Variants in PTCHD4 observed in about 807,000 individuals in gnomAD.
PTCHD4 encodes the protein patched domain containing 4, also known as patched domain-containing protein 4.
In PTCHD4, 33 loss-of-function variants were observed where a neutral mutation model predicts 58.1. The ratio of observed to expected loss-of-function variants is 0.57; its 90% CI spans 0.43 to 0.76. The LOEUF is 0.76. Ranked by LOEUF, PTCHD4 falls within the 30% of genes least tolerant of loss-of-function variation. The probability of loss-of-function intolerance (pLI) is 0.00; values close to 1 mark genes in which losing one functional copy is unlikely to be tolerated. For missense variants in PTCHD4, 1,058 were observed against 1,027.1 expected, an observed-to-expected ratio of 1.03 and a Z score of -0.41; for synonymous variants, 478 against 409.6, an observed-to-expected ratio of 1.17 and a Z score of -2.02.
At chr6:47,996,881 CAG>C (rs898852735) in intron 4 of PTCHD4, among the ~76,000 whole-genome samples, 2 of 152,172 alleles carry the variant, frequency 1.3e-5, no homozygotes, top group African/African-American at 4.8e-5. Context: ...ATTTTACACT[CAG>C]GGGTATAACA....
rs575746411 is a variant in PTCHD4, at chr6:48,066,129, T to G, written c.417+2101A>C. Among the ~76,000 whole-genome samples the G allele has an allele frequency of 1.6e-4, 24 of 150,658 alleles. No individual in the cohort carries two copies. In the South Asian group the frequency reaches 3.6e-3, roughly 23 times the overall value. On this transcript the variant is annotated intron_variant, in intron 3 of 4. Coordinates refer to ENST00000339488, the MANE Select transcript of PTCHD4 (RefSeq NM_001384253.1). ...TTTTTTTTTTTTGAGACGGGATCCC[T>G]CTGTCACCCAGACTACTACTGCTAA...
intron 3 of PTCHD4, among the ~76,000 whole-genome samples, chr6:48,050,032 A>T (rs896493491): frequency 6.6e-6 from 1 of 151,980 alleles, no homozygotes; most frequent in African/African-American, 2.4e-5. Flanking sequence ...TGTTAATGAA[A>T]ACTAGGTATC....
rs1250471121 is a variant in PTCHD4 at position 48,043,370 on chromosome 6, GAA to G, written c.417+24858_417+24859del. ...ACATACACCTCATAGAATTACTAGA[GAA>G]TTATTATTCACTCCCTATAAAATAC... On this transcript the variant is annotated intron_variant, in intron 3 of 4. Coordinates refer to ENST00000339488, the MANE Select transcript of PTCHD4 (RefSeq NM_001384253.1). Among the ~76,000 whole-genome samples, 3 of 151,716 alleles carry G rather than the reference GAA, an allele frequency of 2.0e-5. No individual in the cohort carries two copies. In the East Asian group the frequency reaches 5.8e-4, roughly 29 times the overall value.
At chr6:48,102,710 A>G (rs914366849) in intron 1 of PTCHD4, among the ~76,000 whole-genome samples, 2 of 152,188 alleles carry the variant, frequency 1.3e-5, no homozygotes, top group African/African-American at 4.8e-5. Context: ...CTAGTCAAAG[A>G]AAGGGGTGAC....
chr6:48,097,553 G>A (rs1201926515), intron 1 of PTCHD4, among the ~76,000 whole-genome samples: 3 of 151,974 alleles, frequency 2.0e-5, no homozygotes, highest in Non-Finnish European at 4.4e-5. Context: ...GAAATATTTC[G>A]GGGTGTTATC....
At chr6:47,938,222 T>C (rs1766081322) in intron 4 of PTCHD4, among the ~76,000 whole-genome samples, 1 of 152,032 alleles carries the variant, frequency 6.6e-6, no homozygotes. Flanking sequence ...TGCTAATAGG[T>C]CAAGAAAGAT....
chr6:47,864,363 G>A lies in PTCHD4; in HGVS notation c.*13940C>T, dbSNP rs1237839017. Reference sequence around the variant, plus strand: ...ATATGGCTATTTCACCTACTAGTTTGCTTTGCTAAAATCCTTGATGGGTAG... The same window carrying A: ...ATATGGCTATTTCACCTACTAGTTTACTTTGCTAAAATCCTTGATGGGTAG... On this transcript the variant is annotated 3_prime_UTR_variant, in exon 5 of 5. Coordinates refer to ENST00000339488, the MANE Select transcript of PTCHD4 (RefSeq NM_001384253.1). 6.6e-6 allele frequency among the ~76,000 whole-genome samples: 1 copy of A among 151,558 alleles called. No individual in the cohort carries two copies. Among genetic ancestry groups the A allele is most frequent in the African/African-American group, 2.4e-5 (1 of 41,288 alleles).
At chr6:47,903,717 G>A (rs1245310360) in intron 4 of PTCHD4, among the ~76,000 whole-genome samples, 1 of 152,210 alleles carries the variant, frequency 6.6e-6, no homozygotes, top group Non-Finnish European at 1.5e-5. Context: ...GGCAGAGCAA[G>A]TCCCTTCCCT....
intron 3 of PTCHD4, among the ~76,000 whole-genome samples, chr6:48,030,558 C>T (rs909747156): frequency 6.6e-6 from 1 of 152,050 alleles, no homozygotes; most frequent in Admixed American, 6.6e-5. Context: ...AGTCAATCAC[C>T]ATCACAAATC....
rs867942707 is a variant in PTCHD4 at position 48,053,805 on chromosome 6, T to C, written c.417+14425A>G. ...TAGGGAAGTACAGGAAAGGATAAAG[T>C]TGTTCCCTTTAGCTACAGAGCTCCC... On this transcript the variant is annotated intron_variant, in intron 3 of 4. Coordinates refer to ENST00000339488, the MANE Select transcript of PTCHD4 (RefSeq NM_001384253.1). Among the ~76,000 whole-genome samples the C allele has an allele frequency of 9.9e-5, 15 of 152,096 alleles. No homozygotes were observed. In the South Asian group the frequency reaches 1.7e-3, roughly 17 times the overall value.
rs1402638560 is a variant in PTCHD4, at chr6:47,863,407, A to G, written c.*14896T>C. Reference sequence around the variant, plus strand: ...CCCACATGAAAAATAGTACTTTACTATTATTTGGCCTAATAATATAATAGT... The same window carrying G: ...CCCACATGAAAAATAGTACTTTACTGTTATTTGGCCTAATAATATAATAGT... On this transcript the variant is annotated 3_prime_UTR_variant, in exon 5 of 5. Coordinates refer to ENST00000339488, the MANE Select transcript of PTCHD4 (RefSeq NM_001384253.1). 6.6e-6 allele frequency among the ~76,000 whole-genome samples: 1 copy of G among 151,878 alleles called. No homozygotes were observed. Among genetic ancestry groups the G allele is most frequent in the East Asian group, 1.9e-4 (1 of 5,146 alleles).
At chr6:48,105,352 A>T (rs1765696307) in intron 1 of PTCHD4, among the ~76,000 whole-genome samples, 1 of 147,290 alleles carries the variant, frequency 6.8e-6, no homozygotes, top group African/African-American at 2.6e-5. Context: ...CTGAATGACT[A>T]CTGGGTACAC....
At chr6:47,962,793 G>A (rs1298554397) in intron 4 of PTCHD4, among the ~76,000 whole-genome samples, 1 of 151,674 alleles carries the variant, frequency 6.6e-6, no homozygotes, top group Non-Finnish European at 1.5e-5. Flanking sequence ...AATGAGGAGT[G>A]GGCATCCAAA....
At chr6:47,906,891 T>C (rs1471034320) in intron 4 of PTCHD4, among the ~76,000 whole-genome samples, 2 of 152,216 alleles carry the variant, frequency 1.3e-5, no homozygotes, top group African/African-American at 2.4e-5. Context: ...ATTTACTGTA[T>C]TAGTATTTAT....
intron 1 of PTCHD4, among the ~76,000 whole-genome samples, chr6:48,074,157 C>T (rs932685331): frequency 8.6e-5 from 13 of 151,738 alleles, no homozygotes; most frequent in Admixed American, 5.3e-4. Context: ...TGCAGAAGGG[C>T]GTATCCGAGA....
chr6:48,068,716 C>T lies in PTCHD4; in HGVS notation c.6-75G>A. On this transcript the variant is annotated intron_variant, in intron 2 of 4. Coordinates refer to ENST00000339488, the MANE Select transcript of PTCHD4 (RefSeq NM_001384253.1). The surrounding 1 kb of genome is among the most constrained non-coding windows in gnomAD (Gnocchi z 4.2). ...CCCATCCCACCCCCTGGGGCCAGTC[C>T]CCCCTCCCCACCGCCGCCGCCTCCC... 4 of 1,404,482 alleles carry T rather than the reference C, an allele frequency of 2.8e-6. No individual in the cohort carries two copies. Among genetic ancestry groups the T allele is most frequent in the Non-Finnish European group, 2.8e-6 (3 of 1,060,440 alleles). 87.0% of individuals were successfully genotyped at this position (1,404,482 alleles called of 1,614,324 possible).
At position 47,874,664 on chromosome 6, in the gene PTCHD4, T is replaced by C. The variant is rs748813267; in HGVS notation, c.*3639A>G. On this transcript the variant is annotated 3_prime_UTR_variant, in exon 5 of 5. Coordinates refer to ENST00000339488, the MANE Select transcript of PTCHD4 (RefSeq NM_001384253.1). ...CATCATAAAACATTTGTCATCATTATTCTTCTCACCTCACAAGGTAAAAAC... is the reference window on the plus strand; with the variant it reads ...CATCATAAAACATTTGTCATCATTACTCTTCTCACCTCACAAGGTAAAAAC... Among the ~76,000 whole-genome samples, 1 of 151,782 alleles carries C rather than the reference T, an allele frequency of 6.6e-6. No homozygotes were observed. Among genetic ancestry groups the C allele is most frequent in the African/African-American group, 2.4e-5 (1 of 41,420 alleles).
At chr6:47,981,714 A>C (rs1301298200) in intron 4 of PTCHD4, among the ~76,000 whole-genome samples, 1 of 152,184 alleles carries the variant, frequency 6.6e-6, no homozygotes, top group South Asian at 2.1e-4. Flanking sequence ...CTTGCCCTCA[A>C]GCAGTCTTAA....
At chr6:48,082,570 C>T (rs999494363) in intron 1 of PTCHD4, among the ~76,000 whole-genome samples, 1 of 152,190 alleles carries the variant, frequency 6.6e-6, no homozygotes, top group Non-Finnish European at 1.5e-5. Flanking sequence ...CTTCTATCCA[C>T]ATCTTCCTAC....
Sources: allele counts gnomAD v4.1 joint callset (sites outside exome capture counted in the v4.1 genomes callset), GRCh38; gene constraint gnomAD v4.1.1; non-coding constraint Gnocchi (gnomAD v3.1); transcripts MANE v1.5; gene names NCBI Gene and HGNC (gene_info 2026-07-23, HGNC 2026-07-21).